Variants in NIPA1 observed in about 807,000 individuals in gnomAD.
NIPA1 encodes the protein NIPA magnesium transporter 1.
Under a neutral mutation model 23.9 loss-of-function variants are expected in NIPA1, and 13 were observed. The ratio of observed to expected loss-of-function variants is 0.54; its 90% CI spans 0.35 to 0.87. The LOEUF (loss-of-function observed/expected upper bound fraction) is 0.87, where lower values mean the gene tolerates loss of function less well. NIPA1 is among the 40% of genes least tolerant of loss of function. The pLI, the probability that NIPA1 is intolerant of heterozygous loss-of-function variation, is 0.01. For synonymous variants in NIPA1, 234 were observed against 202.9 expected (o/e 1.15, Z -1.30); for missense variants, 362 against 429.7 (o/e 0.84, Z 1.39).
intron 1 of NIPA1, among the ~76,000 whole-genome samples, chr15:22,799,898 C>G (rs1334834956): frequency 7.4e-6 from 1 of 134,972 alleles, no homozygotes; most frequent in Non-Finnish European, 1.5e-5. Flanking sequence ...GAGCCAAGAT[C>G]GCACCACTGC....
chr15:22,816,615 C>T (rs530688318), intron 3 of NIPA1, among the ~76,000 whole-genome samples: 6 of 149,890 alleles, frequency 4.0e-5, no homozygotes, highest in Admixed American at 1.3e-4. Flanking sequence ...CCTCAGCCTC[C>T]GAGGAGCTTG....
At chr15:22,806,082 C>T (rs1895204475) in intron 1 of NIPA1, among the ~76,000 whole-genome samples, 1 of 152,116 alleles carries the variant, frequency 6.6e-6, no homozygotes, top group Non-Finnish European at 1.5e-5. Flanking sequence ...CGCCACCACG[C>T]CCAGCTAATT....
rs71117481 is a variant in NIPA1, at chr15:22,816,178, A to ATTTTTT, written c.317+3949_317+3954dup. On this transcript the variant is annotated intron_variant, in intron 3 of 4. Transcript: ENST00000337435. Reference sequence around the variant, plus strand: ...ATTGCCTTTATTGGCAGAAGACCTGATTTTTTTTTTTTTTTTTTTTTTTTT... The same window carrying ATTTTTT: ...ATTGCCTTTATTGGCAGAAGACCTGATTTTTTTTTTTTTTTTTTTTTTTTTTTTTTT... 8.0e-4 allele frequency among the ~76,000 whole-genome samples: 62 copies of ATTTTTT among 77,490 alleles called. 1 individual carries two copies. Among genetic ancestry groups the ATTTTTT allele is most frequent in the African/African-American group, 2.3e-3 (44 of 18,962 alleles). 50.8% of individuals were successfully genotyped at this position (77,490 alleles called of 152,430 possible).
intron 3 of NIPA1, among the ~76,000 whole-genome samples, chr15:22,816,905 C>T (rs1398203047): frequency 1.3e-5 from 2 of 151,646 alleles, no homozygotes; most frequent in Non-Finnish European, 2.9e-5. Flanking sequence ...CATCTGAGGC[C>T]GGGCGTAGTG....
rs1895603712 is a variant in NIPA1 at position 22,824,164 on chromosome 15, T to C, written c.915T>C (p.Ile305=). ...GATTCACGACCGTCTCCGTGGGGATTGTCCTTATACAGGTGTTCAAAGAGT... is the reference window on the plus strand; with the variant it reads ...GATTCACGACCGTCTCCGTGGGGATCGTCCTTATACAGGTGTTCAAAGAGT... ...ACGFTTVSVG[I]VLIQVFKEFN... Residue 305 remains isoleucine (I), a synonymous_variant, in exon 5 of 5, where the codon ATT becomes ATC. Coordinates refer to ENST00000337435, the MANE Select transcript of NIPA1 (RefSeq NM_144599.5). The surrounding 1 kb of genome is among the most constrained non-coding windows in gnomAD (Gnocchi z 4.1). 3 of 1,613,596 alleles carry C rather than the reference T, an allele frequency of 1.9e-6. 1 individual carries two copies. The South Asian group carries it at 3.3e-5, about 18-fold the overall frequency.
Position 22,818,704 on chromosome 15 carries a change from G to A in NIPA1, c.318-1609G>A, listed in dbSNP as rs138425569. 2.0e-3 allele frequency among the ~76,000 whole-genome samples: 304 copies of A among 152,100 alleles called. 2 individuals carry two copies. Among genetic ancestry groups the A allele is most frequent in the African/African-American group, 7.1e-3 (293 of 41,480 alleles). On this transcript the variant is annotated intron_variant, in intron 3 of 4. Coordinates refer to ENST00000337435, the MANE Select transcript of NIPA1 (RefSeq NM_144599.5). Reference sequence around the variant, plus strand: ...CCCAGCTACTCGGGAGGCTGAGGCAGGAGAATTGCTTGAACCCGGGAGGCA... The same window carrying A: ...CCCAGCTACTCGGGAGGCTGAGGCAAGAGAATTGCTTGAACCCGGGAGGCA...
In NIPA1 at chr15:22,825,870, C is replaced by T. The variant is rs1895640277; in HGVS notation, c.*1631C>T. On this transcript the variant is annotated 3_prime_UTR_variant, in exon 5 of 5. Coordinates refer to ENST00000337435, the MANE Select transcript of NIPA1 (RefSeq NM_144599.5). Reference sequence around the variant, plus strand: ...CAGTATTTGAATCAAAGAGGTCATTCTCTGTCTATAGTGTTCCCATCCATG... The same window carrying T: ...CAGTATTTGAATCAAAGAGGTCATTTTCTGTCTATAGTGTTCCCATCCATG... 2 of 152,616 alleles carry T rather than the reference C, an allele frequency of 1.3e-5. 1 individual carries two copies. The highest frequency in any genetic ancestry group is 1.3e-4 in the Admixed American group (2 of 15,290). 9.5% of individuals were successfully genotyped at this position (152,616 alleles called of 1,614,324 possible). A position where few individuals can be genotyped will look rare whatever the true frequency, so the allele number is the denominator to read the frequency against.
rs1249588456 is a variant in NIPA1, at chr15:22,829,535, A to AGAG, written c.*5299_*5301dup. The AGAG allele has an allele frequency of 6.6e-6, 1 of 152,280 alleles. No homozygotes were observed. The highest frequency in any genetic ancestry group is 1.5e-5 in the Non-Finnish European group (1 of 68,030). 9.4% of individuals were successfully genotyped at this position (152,280 alleles called of 1,614,324 possible). ...TTCTTGAAAATGGAATATAATCATG[A>AGAG]GAGGAAGAAGATGTAAAAAATGTCA... On this transcript the variant is annotated 3_prime_UTR_variant, in exon 5 of 5. Coordinates refer to ENST00000337435, the MANE Select transcript of NIPA1 (RefSeq NM_144599.5).
chr15:22,806,228 C>T (rs961395064), intron 1 of NIPA1, among the ~76,000 whole-genome samples: 1 of 152,138 alleles, frequency 6.6e-6, no homozygotes, highest in Admixed American at 6.6e-5. Flanking sequence ...CGGCCTAAAG[C>T]TGTATTTTAA....
At chr15:22,807,999 C>T (rs1034471776) in intron 1 of NIPA1, among the ~76,000 whole-genome samples, 3 of 151,988 alleles carry the variant, frequency 2.0e-5, no homozygotes, top group Non-Finnish European at 2.9e-5. Flanking sequence ...CTGTGTTAGC[C>T]GGGATGGTCT....
chr15:22,817,409 G>C (rs978331482), intron 3 of NIPA1, among the ~76,000 whole-genome samples: 10 of 150,552 alleles, frequency 6.6e-5, no homozygotes, highest in African/African-American at 9.8e-5. Context: ...TGAGGCAGGA[G>C]AATCGCTTGA....
rs1486072642 is a variant in NIPA1 at position 22,825,048 on chromosome 15, C to T, written c.*809C>T. On this transcript the variant is annotated 3_prime_UTR_variant, in exon 5 of 5. Transcript: ENST00000337435. Reference sequence around the variant, plus strand: ...TTAGAAATAATACAGTCACATGTCACTTAATGATAGGGAAACATTCTGAGA... The same window carrying T: ...TTAGAAATAATACAGTCACATGTCATTTAATGATAGGGAAACATTCTGAGA... The T allele has an allele frequency of 1.3e-5, 2 of 152,482 alleles. No homozygotes were observed. Among genetic ancestry groups the T allele is most frequent in the Non-Finnish European group, 2.9e-5 (2 of 68,044 alleles). 9.4% of individuals were successfully genotyped at this position (152,482 alleles called of 1,614,324 possible).
At chr15:22,799,226 A>G (rs1175849889) in intron 1 of NIPA1, among the ~76,000 whole-genome samples, 1 of 152,200 alleles carries the variant, frequency 6.6e-6, no homozygotes, top group Non-Finnish European at 1.5e-5. Context: ...ACACATATAC[A>G]CATATGGAAT....
At chr15:22,791,790 C>T (rs577723527) in intron 1 of NIPA1, among the ~76,000 whole-genome samples, 4 of 152,226 alleles carry the variant, frequency 2.6e-5, no homozygotes, top group South Asian at 2.1e-4. Flanking sequence ...AAGGAACTTC[C>T]CAGAGAATCA....
Position 22,826,467 on chromosome 15 carries a change from CCTAGG to C in NIPA1, c.*2229_*2233del, listed in dbSNP as rs1216215252. 1 of 152,042 alleles carries C rather than the reference CCTAGG, an allele frequency of 6.6e-6. No individual in the cohort carries two copies. Among genetic ancestry groups the C allele is most frequent in the Non-Finnish European group, 1.5e-5 (1 of 68,000 alleles). 9.4% of individuals were successfully genotyped at this position (152,042 alleles called of 1,614,324 possible). A position where few individuals can be genotyped will look rare whatever the true frequency, so the allele number is the denominator to read the frequency against. Reference sequence around the variant, plus strand: ...ATACTTTTGGGCATAAAAATAGTTTCCTAGGTAAGGGGTGTGAGATATTCAAAGAA... The same window carrying C: ...ATACTTTTGGGCATAAAAATAGTTTCTAAGGGGTGTGAGATATTCAAAGAA... On this transcript the variant is annotated 3_prime_UTR_variant, in exon 5 of 5. Transcript: ENST00000337435.
chr15:22,823,938 G>T lies in NIPA1; in HGVS notation c.689G>T (p.Cys230Phe). 6.2e-7 allele frequency: 1 copy of T among 1,614,156 alleles called. No homozygotes were observed. The highest frequency in any genetic ancestry group is 8.5e-7 in the Non-Finnish European group (1 of 1,180,016). ...NPSSQRALCL[C>F]LVLLAVLGCS... is the part of the protein sequence containing the mutation. ...TCCAGTCAGAGAGCCCTCTGCCTGT[G>T]CCTGGTACTCCTGGCCGTGCTCGGC... The change falls in exon 5 of 5, where the codon TGC becomes TTC. Residue 230 changes from cysteine (C) to phenylalanine (F), a missense_variant. Transcript: ENST00000337435.
At chr15:22,789,383 T>C (rs1894782801) in intron 1 of NIPA1, among the ~76,000 whole-genome samples, 1 of 152,198 alleles carries the variant, frequency 6.6e-6, no homozygotes, top group Non-Finnish European at 1.5e-5. Flanking sequence ...TTTAGCTCTA[T>C]GACTCTTCAG....
At chr15:22,795,654 C>T (rs1346900147) in intron 1 of NIPA1, among the ~76,000 whole-genome samples, 1 of 152,144 alleles carries the variant, frequency 6.6e-6, no homozygotes, top group African/African-American at 2.4e-5. Flanking sequence ...CTAAGGACCA[C>T]GGTGGAAGCT....
At chr15:22,804,652 A>G (rs919991059) in intron 1 of NIPA1, among the ~76,000 whole-genome samples, 7 of 151,970 alleles carry the variant, frequency 4.6e-5, no homozygotes, top group Non-Finnish European at 2.9e-5. Flanking sequence ...TTAAACTTCA[A>G]CGTTTTCTCT....
Sources: allele counts gnomAD v4.1 joint callset (sites outside exome capture counted in the v4.1 genomes callset), GRCh38; gene constraint gnomAD v4.1.1; non-coding constraint Gnocchi (gnomAD v3.1); transcripts MANE v1.5; gene names NCBI Gene and HGNC (gene_info 2026-07-23, HGNC 2026-07-21).